SGCZ: variants seen among roughly 807,000 people sequenced by gnomAD.
The protein encoded by SGCZ is zeta-sarcoglycan.
Under a neutral mutation model 41.3 loss-of-function variants are expected in SGCZ, and 40 were observed. That is an observed-to-expected ratio of 0.97 (90% CI 0.75 to 1.26). The LOEUF (loss-of-function observed/expected upper bound fraction) is 1.26. SGCZ is among the 50% of genes most tolerant of loss of function. The pLI is 0.00. For missense variants in SGCZ, 552 were observed against 369.8 expected (o/e 1.49, Z -4.04); for synonymous variants, 206 against 137.5 (o/e 1.50, Z -3.49).
At chr8:14,795,012 C>G (rs1214908312) in intron 1 of SGCZ, among the ~76,000 whole-genome samples, 2 of 152,040 alleles carry the variant, frequency 1.3e-5, no homozygotes, top group East Asian at 3.9e-4. Flanking sequence ...CTTCAGATGC[C>G]CTTGATTCAG....
chr8:14,726,193 G>A (rs1049715404), intron 1 of SGCZ, among the ~76,000 whole-genome samples: 1 of 149,896 alleles, frequency 6.7e-6, no homozygotes, highest in Non-Finnish European at 1.5e-5. Context: ...TGGGAGGGAG[G>A]CAGAGGTTGC....
At chr8:14,495,458 A>G (rs574274611) in intron 2 of SGCZ, among the ~76,000 whole-genome samples, 1 of 152,218 alleles carries the variant, frequency 6.6e-6, no homozygotes. Context: ...ATTATTTGAC[A>G]GTTAAGTATC....
intron 2 of SGCZ, among the ~76,000 whole-genome samples, chr8:14,339,581 G>C (rs1802630478): frequency 6.6e-6 from 1 of 152,068 alleles, no homozygotes; most frequent in African/African-American, 2.4e-5. Flanking sequence ...TTGATAATAG[G>C]CTTGCATGGT....
chr8:14,160,197 C>A (rs1034341322), intron 5 of SGCZ, among the ~76,000 whole-genome samples: 1 of 152,192 alleles, frequency 6.6e-6, no homozygotes, highest in African/African-American at 2.4e-5. Context: ...AGATCTAAGT[C>A]TAACTAATAG....
intron 1 of SGCZ, among the ~76,000 whole-genome samples, chr8:14,929,967 C>T (rs192436508): frequency 5.3e-5 from 8 of 151,980 alleles, no homozygotes; most frequent in Admixed American, 5.2e-4. Flanking sequence ...CTTGGATGTT[C>T]AGTACAATTT....
chr8:14,758,130 A>C (rs1799747826), intron 1 of SGCZ, among the ~76,000 whole-genome samples: 1 of 152,210 alleles, frequency 6.6e-6, no homozygotes, highest in South Asian at 2.1e-4. Flanking sequence ...GATAAAGTAC[A>C]ATGATATTTC....
chr8:14,101,776 T>TA lies in SGCZ; in HGVS notation c.744+599dup, dbSNP rs879661919. Among the ~76,000 whole-genome samples the TA allele has an allele frequency of 7.7e-4, 109 of 141,806 alleles. No homozygotes were observed. The East Asian group carries it at 8.7e-3, about 11-fold the overall frequency. 93.0% of individuals were successfully genotyped at this position (141,806 alleles called of 152,430 possible). On this transcript the variant is annotated intron_variant, in intron 7 of 7. Transcript: ENST00000382080. ...CTGAATATCAAGATATAACAAGAAT[T>TA]AAAAAAAAAAAAAGGACTGTCGTTA...
At chr8:14,883,891 T>C (rs1183746864) in intron 1 of SGCZ, among the ~76,000 whole-genome samples, 1 of 151,772 alleles carries the variant, frequency 6.6e-6, no homozygotes, top group Non-Finnish European at 1.5e-5. Flanking sequence ...GCATTATAGG[T>C]TCTCATTTCT....
intron 1 of SGCZ, among the ~76,000 whole-genome samples, chr8:14,906,717 G>A (rs960989850): frequency 2.0e-5 from 3 of 152,168 alleles, no homozygotes; most frequent in African/African-American, 4.8e-5. Flanking sequence ...AGAACTTGGC[G>A]TGAGGCACAC....
chr8:15,029,486 G>C (rs372970533), intron 1 of SGCZ, among the ~76,000 whole-genome samples: 1 of 152,158 alleles, frequency 6.6e-6, no homozygotes, highest in African/African-American at 2.4e-5. Flanking sequence ...TCAGATCAAA[G>C]AAAGTTAGTA....
chr8:14,841,001 C>T (rs1802887319), intron 1 of SGCZ, among the ~76,000 whole-genome samples: 2 of 151,916 alleles, frequency 1.3e-5, no homozygotes, highest in African/African-American at 2.4e-5. Flanking sequence ...AATTTTCATC[C>T]TACAAATAAA....
intron 5 of SGCZ, among the ~76,000 whole-genome samples, chr8:14,129,298 A>T (rs1802961140): frequency 7.2e-6 from 1 of 139,184 alleles, no homozygotes; most frequent in Admixed American, 8.2e-5. Context: ...ATTAGCCAAG[A>T]TCGTGCCATT....
chr8:15,061,403 G>C (rs758059265), intron 1 of SGCZ, among the ~76,000 whole-genome samples: 1 of 151,862 alleles, frequency 6.6e-6, no homozygotes, highest in Non-Finnish European at 1.5e-5. Flanking sequence ...GCTAAGGAAG[G>C]GATAGCACTA....
chr8:14,129,493 C>T (rs559256104), intron 5 of SGCZ, among the ~76,000 whole-genome samples: 1 of 149,426 alleles, frequency 6.7e-6, no homozygotes, highest in Admixed American at 6.6e-5. Context: ...ATGAAAGAAA[C>T]CATAACACAT....
At chr8:14,823,994 A>G (rs1802202119) in intron 1 of SGCZ, among the ~76,000 whole-genome samples, 1 of 151,942 alleles carries the variant, frequency 6.6e-6, no homozygotes, top group East Asian at 1.9e-4. Flanking sequence ...ACAAATAAAT[A>G]CTGCAGGGTA....
chr8:15,065,153 C>A (rs1475725641), intron 1 of SGCZ, among the ~76,000 whole-genome samples: 1 of 152,120 alleles, frequency 6.6e-6, no homozygotes, highest in Non-Finnish European at 1.5e-5. Context: ...CAAGACGGAA[C>A]TGCTTACTCC....
chr8:14,246,706 G>C, intron 3 of SGCZ, among the ~76,000 whole-genome samples: 1 of 151,648 alleles, frequency 6.6e-6, no homozygotes, highest in Non-Finnish European at 1.5e-5. Context: ...AGGAGATCAA[G>C]ACCATCCTGG....
At chr8:14,803,390 G>A (rs1801396108) in intron 1 of SGCZ, among the ~76,000 whole-genome samples, 1 of 152,126 alleles carries the variant, frequency 6.6e-6, no homozygotes, top group Non-Finnish European at 1.5e-5. Context: ...GCAAGCCGAA[G>A]CAGGGTGAGG....
At chr8:14,156,733 A>G (rs1803888229) in intron 5 of SGCZ, among the ~76,000 whole-genome samples, 1 of 152,120 alleles carries the variant, frequency 6.6e-6, no homozygotes, top group East Asian at 1.9e-4. Context: ...CATTTTTGCT[A>G]AACACCAAGA....
Sources: allele counts gnomAD v4.1 joint callset (sites outside exome capture counted in the v4.1 genomes callset), GRCh38; gene constraint gnomAD v4.1.1; transcripts MANE v1.5; gene names NCBI Gene and HGNC (gene_info 2026-07-23, HGNC 2026-07-21).